INPP1: variants seen among roughly 807,000 people sequenced by gnomAD.
INPP1 encodes the protein inositol polyphosphate-1-phosphatase.
Under a neutral mutation model 23.0 loss-of-function variants are expected in INPP1, and 18 were observed. The observed-to-expected ratio is 0.78, with a 90% confidence interval of 0.54 to 1.16. The LOEUF (loss-of-function observed/expected upper bound fraction) is 1.16, where lower values mean the gene tolerates loss of function less well. INPP1 is among the 50% of genes most tolerant of loss of function. INPP1 has a pLI of 0.00. For synonymous variants in INPP1, 164 were observed against 176.3 expected, an observed-to-expected ratio of 0.93 and a Z score of 0.55; for missense variants, 448 against 482.1, an observed-to-expected ratio of 0.93 and a Z score of 0.66.
At chr2:190,370,766 A>G in intron 6 of INPP1, 78 bp from the exon 7 acceptor site, 1 of 950,220 alleles carries the variant, frequency 1.1e-6, no homozygotes, top group Non-Finnish European at 1.6e-6. Flanking sequence ...ATTTCTTCGT[A>G]TCATTAAGTT....
intron 2 of INPP1, among the ~76,000 whole-genome samples, chr2:190,351,919 C>T (rs1199323393): frequency 2.6e-5 from 4 of 152,204 alleles, no homozygotes; most frequent in East Asian, 3.8e-4. Flanking sequence ...TTCATGCCCG[C>T]AGTTCATAAG....
At position 190,345,921 on chromosome 2, in the gene INPP1, G is replaced by A. The variant is rs1273787320; in HGVS notation, c.-209+1960G>A. 6.6e-6 allele frequency among the ~76,000 whole-genome samples: 1 copy of A among 152,208 alleles called. No homozygotes were observed. The highest frequency in any genetic ancestry group is 2.4e-5 in the African/African-American group (1 of 41,438). ...AGGCTGGAGGATCCCTGGAACCTAG[G>A]AATCAGAGGTTGCAGTGAGCCCAGA... On this transcript the variant is annotated intron_variant, in intron 1 of 6. Coordinates refer to ENST00000392329, the MANE Select transcript of INPP1 (RefSeq NM_001128928.2). This position sits in a 1 kb window ranked among gnomAD's most constrained non-coding sequence, Gnocchi z 4.9.
At chr2:190,360,014 C>A in intron 2 of INPP1, 25 bp from the exon 3 acceptor site, 1 of 1,366,468 alleles carries the variant, frequency 7.3e-7, no homozygotes, top group Non-Finnish European at 1.0e-6. Flanking sequence ...ACTGCTTTCT[C>A]TTTCACATTC....
Position 190,354,372 on chromosome 2 carries a change from A to G in INPP1, c.-65+5341A>G, listed in dbSNP as rs1197932108. On this transcript the variant is annotated intron_variant, in intron 2 of 6. Coordinates refer to ENST00000392329, the MANE Select transcript of INPP1 (RefSeq NM_001128928.2). The surrounding 1 kb of genome is among the most constrained non-coding windows in gnomAD (Gnocchi z 4.8). ...TTTCAGGAGAGGTTTTAGGGGCTAA[A>G]TTATGTTACTTCAAAATTCACATGT... Among the ~76,000 whole-genome samples the G allele has an allele frequency of 1.4e-5, 2 of 146,634 alleles. No homozygotes were observed. Among genetic ancestry groups the G allele is most frequent in the African/African-American group, 5.0e-5 (2 of 39,704 alleles).
chr2:190,357,356 T>TA (rs1166995905), intron 2 of INPP1, among the ~76,000 whole-genome samples: 4 of 152,136 alleles, frequency 2.6e-5, no homozygotes, highest in African/African-American at 9.7e-5. Context: ...AAAAGCATAA[T>TA]AAAAAATCAT....
chr2:190,354,344 G>A lies in INPP1; in HGVS notation c.-65+5313G>A, dbSNP rs1689377928. 6.6e-6 allele frequency among the ~76,000 whole-genome samples: 1 copy of A among 152,154 alleles called. No individual in the cohort carries two copies. The highest frequency in any genetic ancestry group is 2.4e-5 in the African/African-American group (1 of 41,434). On this transcript the variant is annotated intron_variant, in intron 2 of 6. Transcript: ENST00000392329. The surrounding 1 kb of genome is among the most constrained non-coding windows in gnomAD (Gnocchi z 4.8). The stretch of plus-strand genomic sequence containing the variant: ...TGGGTCGCTAAGGTAACCACGGCCT[G>A]TCTTTCAGGAGAGGTTTTAGGGGCT...
intron 4 of INPP1, among the ~76,000 whole-genome samples, chr2:190,365,929 GTC>G (rs1225469034): frequency 3.3e-5 from 3 of 89,946 alleles, no homozygotes; most frequent in African/African-American, 4.7e-5. Context: ...CTGTCTCACT[GTC>G]TCTCGCTCAC....
chr2:190,347,007 C>CTTTTT (rs1214998960), intron 1 of INPP1, among the ~76,000 whole-genome samples: 20 of 116,036 alleles, frequency 1.7e-4, no homozygotes, highest in East Asian at 2.4e-4. Flanking sequence ...TTATTAGTAG[C>CTTTTT]TTTTTTTTTT....
At position 190,371,305 on chromosome 2, in the gene INPP1, A is replaced by G; in HGVS notation, c.1103A>G (p.Asn368Ser). The G allele has an allele frequency of 1.2e-6, 2 of 1,605,512 alleles. No homozygotes were observed. The highest frequency in any genetic ancestry group is 1.7e-6 in the Non-Finnish European group (2 of 1,175,168). ...EGAAGVDRWA[N>S]KGGLIAYRSR... ...GCTGCTGGGGTGGATCGGTGGGCCA[A>G]CAAGGGAGGACTCATTGCATACAGA... The change falls in exon 7 of 7, where the codon AAC becomes AGC. Residue 368 changes from asparagine to serine, a missense_variant. Physicochemically the swap from Asn to Ser is conservative, Grantham distance 46. Coordinates refer to ENST00000392329, the MANE Select transcript of INPP1 (RefSeq NM_001128928.2). This position sits in a 1 kb window ranked among gnomAD's most constrained non-coding sequence, Gnocchi z 5.3.
Position 190,371,309 on chromosome 2 carries a change from G to T in INPP1, c.1107G>T (p.Lys369Asn). 6.2e-7 allele frequency: 1 copy of T among 1,604,784 alleles called. No individual in the cohort carries two copies. Among genetic ancestry groups the T allele is most frequent in the Non-Finnish European group, 8.5e-7 (1 of 1,174,832 alleles). ...CTGGGGTGGATCGGTGGGCCAACAA[G>T]GGAGGACTCATTGCATACAGATCCA... ...GAAGVDRWANKGGLIAYRSRK... is the reference protein window; with the variant it reads ...GAAGVDRWANNGGLIAYRSRK... Residue 369 changes from lysine (K) to asparagine (N), a missense_variant, in exon 7 of 7, where the codon AAG becomes AAT. Physicochemically the swap from Lys to Asn is moderately conservative, Grantham distance 94. Coordinates refer to ENST00000392329, the MANE Select transcript of INPP1 (RefSeq NM_001128928.2). This position sits in a 1 kb window ranked among gnomAD's most constrained non-coding sequence, Gnocchi z 5.3.
Position 190,371,063 on chromosome 2 carries a change from A to T in INPP1, c.861A>T (p.Ala287=), listed in dbSNP as rs1689793033. The T allele has an allele frequency of 2.5e-6, 4 of 1,614,086 alleles. No individual in the cohort carries two copies. In the East Asian group the frequency reaches 8.9e-5, roughly 36 times the overall value. The change falls in exon 7 of 7, where the codon GCA becomes GCT. Residue 287 remains alanine, a synonymous_variant. Transcript: ENST00000392329. This position sits in a 1 kb window ranked among gnomAD's most constrained non-coding sequence, Gnocchi z 5.3. The part of the protein sequence containing the change: ...SRVCGDRIFG[A]AGAGYKSLCV... ...TGTGTGGAGATCGCATATTTGGGGCAGCTGGGGCTGGTTATAAGAGCCTAT... is the reference window on the plus strand; with the variant it reads ...TGTGTGGAGATCGCATATTTGGGGCTGCTGGGGCTGGTTATAAGAGCCTAT...
rs2124919931 is a variant in INPP1 at position 190,352,557 on chromosome 2, G to C, written c.-65+3526G>C. 6.6e-6 allele frequency among the ~76,000 whole-genome samples: 1 copy of C among 152,312 alleles called. No homozygotes were observed. Among genetic ancestry groups the C allele is most frequent in the Non-Finnish European group, 1.5e-5 (1 of 68,022 alleles). On this transcript the variant is annotated intron_variant, in intron 2 of 6. Transcript: ENST00000392329. This position sits in a 1 kb window ranked among gnomAD's most constrained non-coding sequence, Gnocchi z 4.7. ...TCTCAGGGGAGGCTACCATTAGCAA[G>C]TGACACAACACAGCGAGCCCCCCCT... is the stretch of plus-strand genomic sequence containing the variant.
intron 4 of INPP1, among the ~76,000 whole-genome samples, chr2:190,366,238 TGTCTCACTCTTTCC>T (rs1481187335): frequency 9.1e-4 from 138 of 151,022 alleles, no homozygotes; most frequent in East Asian, 1.2e-3. Context: ...GCTTGCTCTC[TGTCTCACTCTTTCC>T]CTCTGTCTCT....
In INPP1 at chr2:190,354,043, G is replaced by A. The variant is rs185460369; in HGVS notation, c.-65+5012G>A. ...AATTTTATGTTAAACATATAGATAC[G>A]TACATTTGGTTTGAGATGGAAGGAA... On this transcript the variant is annotated intron_variant, in intron 2 of 6. Transcript: ENST00000392329. The surrounding 1 kb of genome is among the most constrained non-coding windows in gnomAD (Gnocchi z 4.8). Among the ~76,000 whole-genome samples the A allele has an allele frequency of 4.1e-3, 617 of 152,238 alleles. 3 individuals carry two copies. Among genetic ancestry groups the A allele is most frequent in the African/African-American group, 0.014 (576 of 41,528 alleles).
rs762281676 is a variant in INPP1 at position 190,360,300 on chromosome 2, G to T, written c.198G>T (p.Glu66Asp). 4 of 1,613,896 alleles carry T rather than the reference G, an allele frequency of 2.5e-6. No individual in the cohort carries two copies. The South Asian group carries it at 4.4e-5, about 18-fold the overall frequency. ...LVQEVIKQNM[E>D]NKFPGLEKNI... is the part of the protein sequence containing the mutation. ...AGGAAGTTATAAAACAGAATATGGA[G>T]AACAAGGTAAGAAAGGTCATAGCCA... is the stretch of plus-strand genomic sequence containing the variant. The change falls in exon 3 of 7, where the codon GAG becomes GAT. Residue 66 changes from glutamate (E) to aspartate (D), a missense_variant. Coordinates refer to ENST00000392329, the MANE Select transcript of INPP1 (RefSeq NM_001128928.2).
Position 190,346,158 on chromosome 2 carries a change from C to G in INPP1, c.-209+2197C>G, listed in dbSNP as rs1262237046. ...GTATAATAGTGGTTTAAAAGATTCC[C>G]AGATTGCAACTTGAGACTTCCTGGA... On this transcript the variant is annotated intron_variant, in intron 1 of 6. Transcript: ENST00000392329. The surrounding 1 kb of genome is among the most constrained non-coding windows in gnomAD (Gnocchi z 5.1). Among the ~76,000 whole-genome samples, 1 of 152,068 alleles carries G rather than the reference C, an allele frequency of 6.6e-6. No homozygotes were observed. The highest frequency in any genetic ancestry group is 1.5e-5 in the Non-Finnish European group (1 of 68,024).
intron 1 of INPP1, among the ~76,000 whole-genome samples, chr2:190,347,543 G>A (rs1689242802): frequency 6.6e-6 from 1 of 151,778 alleles, no homozygotes; most frequent in South Asian, 2.1e-4. Flanking sequence ...TTTGGGGGGG[G>A]ATGGAGAGTG....
chr2:190,369,598 C>T (rs980108104), intron 6 of INPP1, among the ~76,000 whole-genome samples: 2 of 152,234 alleles, frequency 1.3e-5, no homozygotes, highest in African/African-American at 2.4e-5. Context: ...GGTGGTAACA[C>T]TGCCTTCCAA....
chr2:190,360,093 AG>A lies in INPP1; in HGVS notation c.-8del. 1 of 1,611,440 alleles carries A rather than the reference AG, an allele frequency of 6.2e-7. No homozygotes were observed. The highest frequency in any genetic ancestry group is 1.1e-5 in the South Asian group (1 of 90,996). On this transcript the variant is annotated 5_prime_UTR_variant, in exon 3 of 7. Transcript: ENST00000392329. ...CACCAGCAGCTGCAACTGAAAAGCA[AG>A]GTTCAGAAATGTCAGATATCCTCCG...
Sources: gnomAD v4.1 joint callset for allele counts (sites outside exome capture counted in the v4.1 genomes callset) on GRCh38, gnomAD v4.1.1 for gene constraint, Gnocchi (gnomAD v3.1) non-coding constraint, MANE v1.5 for transcripts, NCBI Gene and HGNC (gene_info 2026-07-23, HGNC 2026-07-21) for gene names.